RBPJ: variants seen among roughly 807,000 people sequenced by gnomAD.
The protein encoded by RBPJ is recombination signal binding protein for immunoglobulin kappa J region, also known as recombining binding protein suppressor of hairless.
A neutral mutation model predicts 67.8 loss-of-function variants in RBPJ; 9 were observed. The ratio of observed to expected loss-of-function variants is 0.13; its 90% CI spans 0.08 to 0.23. The LOEUF (loss-of-function observed/expected upper bound fraction) is 0.23. Ranked by LOEUF, RBPJ falls within the 10% of genes least tolerant of loss-of-function variation. The pLI is 1.00. For missense variants in RBPJ, 305 were observed against 595.6 expected (o/e 0.51, Z 5.08); for synonymous variants, 198 against 203.3 (o/e 0.97, Z 0.22).
intron 1 of RBPJ, among the ~76,000 whole-genome samples, chr4:26,250,328 CTTTTTTTTT>C (rs869105820): frequency 1.7e-5 from 2 of 120,682 alleles, no homozygotes; most frequent in African/African-American, 6.3e-5. Flanking sequence ...GACTCCATTC[CTTTTTTTTT>C]TTTTTTTTTT....
chr4:26,319,602 G>A, upstream of RBPJ: 3 of 571,676 alleles, frequency 5.2e-6, no homozygotes, highest in South Asian at 4.0e-5. Flanking sequence ...TTAGGCAACA[G>A]GGGCACGTTC....
chr4:26,138,607 G>A, the RBPJ span, among the ~76,000 whole-genome samples: 3 of 152,192 alleles, frequency 2.0e-5, no homozygotes, highest in East Asian at 1.9e-4. Context: ...GAGAAATGTC[G>A]CTGCTCTGGA....
At chr4:26,394,668 T>G (rs1246300786) in intron 2 of RBPJ, among the ~76,000 whole-genome samples, 1 of 152,006 alleles carries the variant, frequency 6.6e-6, no homozygotes, top group East Asian at 1.9e-4. Context: ...TAGATAAGAG[T>G]AGGCCTGAGC....
chr4:26,297,488 T>C (rs879510921), intron 1 of RBPJ, among the ~76,000 whole-genome samples: 1 of 152,034 alleles, frequency 6.6e-6, no homozygotes, highest in Non-Finnish European at 1.5e-5. Flanking sequence ...TGGAAGATGC[T>C]GGCCTTCGCT....
At chr4:26,353,135 T>G (rs749313083) in intron 1 of RBPJ, among the ~76,000 whole-genome samples, 1 of 152,244 alleles carries the variant, frequency 6.6e-6, no homozygotes, top group Non-Finnish European at 1.5e-5. Flanking sequence ...TCTTAAAATA[T>G]TCACCTGTTG....
At chr4:26,349,808 C>A (rs1283999094) in intron 1 of RBPJ, among the ~76,000 whole-genome samples, 1 of 152,220 alleles carries the variant, frequency 6.6e-6, no homozygotes, top group African/African-American at 2.4e-5. Context: ...AAGTAACTGT[C>A]TATTACATCG....
intron 1 of RBPJ, among the ~76,000 whole-genome samples, chr4:26,229,492 G>A (rs906795638): frequency 6.6e-6 from 1 of 152,088 alleles, no homozygotes; most frequent in Non-Finnish European, 1.5e-5. Flanking sequence ...AGGCCATACC[G>A]TCCCCAGTGA....
intron 1 of RBPJ, among the ~76,000 whole-genome samples, chr4:26,217,761 C>T (rs1718765722): frequency 6.6e-6 from 1 of 152,110 alleles, no homozygotes; most frequent in Non-Finnish European, 1.5e-5. Context: ...TCCACTATGA[C>T]AAAAAAACTT....
chr4:26,276,061 G>C (rs1162453640), intron 1 of RBPJ, among the ~76,000 whole-genome samples: 1 of 151,304 alleles, frequency 6.6e-6, no homozygotes, highest in Non-Finnish European at 1.5e-5. Context: ...GATCACTTCA[G>C]GTCAGGAGTT....
chr4:26,400,635 A>G (rs1157842416), intron 2 of RBPJ, among the ~76,000 whole-genome samples: 3 of 152,220 alleles, frequency 2.0e-5, no homozygotes, highest in Non-Finnish European at 2.9e-5. Flanking sequence ...ATTCTGTTTA[A>G]TAAAGTGAAA....
chr4:26,326,254 A>G (rs1723618764), intron 1 of RBPJ, among the ~76,000 whole-genome samples: 1 of 152,098 alleles, frequency 6.6e-6, no homozygotes, highest in Non-Finnish European at 1.5e-5. Context: ...ACCCAGAGGA[A>G]TTGATATTTT....
At chr4:26,394,584 A>G (rs1442392466) in intron 2 of RBPJ, among the ~76,000 whole-genome samples, 1 of 152,180 alleles carries the variant, frequency 6.6e-6, no homozygotes, top group African/African-American at 2.4e-5. Flanking sequence ...TAGAGCCTGA[A>G]AATCTTAGTT....
At chr4:26,408,737 C>T (rs902454943) in intron 3 of RBPJ, among the ~76,000 whole-genome samples, 1 of 152,146 alleles carries the variant, frequency 6.6e-6, no homozygotes, top group Admixed American at 6.5e-5. Context: ...TTAAATGTGT[C>T]CAGGTTGACA....
chr4:26,316,722 C>T (rs1054523050), upstream of RBPJ, among the ~76,000 whole-genome samples: 6 of 140,188 alleles, frequency 4.3e-5, no homozygotes, highest in East Asian at 1.0e-3. Context: ...CACACACACA[C>T]ATATCCGGCT....
At chr4:26,287,770 G>A (rs968086295) in intron 1 of RBPJ, among the ~76,000 whole-genome samples, 1 of 147,478 alleles carries the variant, frequency 6.8e-6, no homozygotes, top group African/African-American at 2.5e-5. Context: ...ACAGAAGAAC[G>A]CAGGCAGGCA....
At chr4:26,222,424 G>A (rs1184728067) in intron 1 of RBPJ, among the ~76,000 whole-genome samples, 1 of 150,942 alleles carries the variant, frequency 6.6e-6, no homozygotes, top group African/African-American at 2.4e-5. Context: ...GAACCTGGGA[G>A]GTGGAGGTTG....
chr4:26,193,457 A>C (rs1415115859), intron 1 of RBPJ, among the ~76,000 whole-genome samples: 2 of 151,606 alleles, frequency 1.3e-5, no homozygotes, highest in Non-Finnish European at 2.9e-5. Flanking sequence ...TTTTTATGAA[A>C]ATTTCCCCTT....
chr4:26,161,214 G>A (rs958567964), upstream of RBPJ, among the ~76,000 whole-genome samples: 11 of 152,176 alleles, frequency 7.2e-5, no homozygotes, highest in East Asian at 1.9e-4. Flanking sequence ...GCTTGGGGTC[G>A]TCTGCTGGAG....
intron 1 of RBPJ, among the ~76,000 whole-genome samples, chr4:26,236,114 G>T (rs1430948004): frequency 1.3e-5 from 2 of 152,180 alleles, no homozygotes; most frequent in Non-Finnish European, 2.9e-5. Context: ...AAATAGAATT[G>T]TGGATACTAT....
Sources: gnomAD v4.1 joint callset for allele counts (sites outside exome capture counted in the v4.1 genomes callset) on GRCh38, gnomAD v4.1.1 for gene constraint, MANE v1.5 for transcripts, NCBI Gene and HGNC (gene_info 2026-07-23, HGNC 2026-07-21) for gene names.